MID2: variants seen among roughly 807,000 people sequenced by gnomAD.
The protein encoded by MID2 is midline 2.
Under a neutral mutation model 46.1 loss-of-function variants are expected in MID2, and 13 were observed. The ratio of observed to expected loss-of-function variants is 0.28; its 90% confidence interval spans 0.18 to 0.45. The LOEUF is 0.45. Among genes scored for constraint, MID2 ranks in the 20% least tolerant of loss-of-function variants. The pLI is 1.00. For synonymous variants in MID2, 199 were observed against 212.3 expected (o/e 0.94, Z 0.55); for missense variants, 431 against 575.4 (o/e 0.75, Z 2.57).
intron 3 of MID2, among the ~76,000 whole-genome samples, chrX:107,893,405 T>C (rs940375122): frequency 2.7e-5 from 3 of 112,719 alleles, no homozygotes; most frequent in Admixed American, 9.4e-5. Context: ...ATTTGATTCT[T>C]TAACCTGTCT....
rs1933240647 is a variant in MID2, at chrX:107,929,216, TG to T, written c.*2144del. ...AATACAGCGTAACAGTGCTTTAAAA[TG>T]TATGTCCTTCATTTCTCCTTCATTT... On this transcript the variant is annotated 3_prime_UTR_variant, in exon 10 of 10. Transcript: ENST00000262843. Among the ~76,000 whole-genome samples, 1 of 111,882 alleles carries T rather than the reference TG, an allele frequency of 8.9e-6. No homozygotes were observed.
At chrX:107,854,235 A>G (rs1214861019) in intron 2 of MID2, among the ~76,000 whole-genome samples, 3 of 111,724 alleles carry the variant, frequency 2.7e-5, no homozygotes, top group African/African-American at 6.5e-5. Flanking sequence ...TTCTTAGTCT[A>G]CTCATCTGGA....
chrX:107,867,839 T>A (rs1931990259), intron 3 of MID2, among the ~76,000 whole-genome samples: 1 of 111,534 alleles, frequency 9.0e-6, no homozygotes. Context: ...AAGAATCAGA[T>A]TTAATGGAAC....
intron 5 of MID2, among the ~76,000 whole-genome samples, chrX:107,913,061 T>TAC (rs199836328): frequency 5.2e-4 from 57 of 110,082 alleles, no homozygotes; most frequent in Admixed American, 1.7e-3. Context: ...GACAGTCAGA[T>TAC]ACACACACAC....
intron 3 of MID2, among the ~76,000 whole-genome samples, chrX:107,902,963 C>G (rs1311439455): frequency 9.0e-6 from 1 of 111,238 alleles, no homozygotes; most frequent in Non-Finnish European, 1.9e-5. Flanking sequence ...AGGGGTTTCA[C>G]TTGACAGAAC....
rs200569889 is a variant in MID2, at chrX:107,904,072, C to T, written c.924+7C>T. ...CAAAATCAAAGAGACAAAGGTAAAGCGCAGCACTTCAGTGAATCCAAGGAA... is the reference window on the plus strand; with the variant it reads ...CAAAATCAAAGAGACAAAGGTAAAGTGCAGCACTTCAGTGAATCCAAGGAA... On this transcript the variant is annotated splice_region_variant and intron_variant, in intron 4 of 9. Coordinates refer to ENST00000262843, the MANE Select transcript of MID2 (RefSeq NM_012216.4). 1.8e-4 allele frequency: 198 copies of T among 1,098,627 alleles called. No individual in the cohort carries two copies. In the African/African-American group the frequency reaches 2.5e-3, roughly 14 times the overall value. 90.5% of individuals were successfully genotyped at this position (1,098,627 alleles called of 1,213,427 possible).
chrX:107,904,090 C>T (rs1932816391), intron 4 of MID2, 25 bp downstream of exon 4: 2 of 988,441 alleles, frequency 2.0e-6, no homozygotes, highest in African/African-American at 3.8e-5. Flanking sequence ...TTCAGTGAAT[C>T]CAAGGAAGGG....
intron 7 of MID2, among the ~76,000 whole-genome samples, chrX:107,919,900 T>A (rs987182911): frequency 8.9e-6 from 1 of 112,323 alleles, no homozygotes; most frequent in Admixed American, 9.4e-5. Context: ...CTTGAATTTA[T>A]CCCTAGTACA....
rs1378912996 is a variant in MID2, at chrX:107,904,200, T to A, written c.924+135T>A. ...AGGGGGAGAGGCAAAGAAGTGATGTTTGGCCTACTGCTCTGAATCCAGTAA... is the reference window on the plus strand; with the variant it reads ...AGGGGGAGAGGCAAAGAAGTGATGTATGGCCTACTGCTCTGAATCCAGTAA... On this transcript the variant is annotated intron_variant, in intron 4 of 9. Coordinates refer to ENST00000262843, the MANE Select transcript of MID2 (RefSeq NM_012216.4). The A allele has an allele frequency of 8.0e-6, 4 of 500,047 alleles. No individual in the cohort carries two copies. The African/African-American group carries it at 9.5e-5, about 12-fold the overall frequency. The allele number at this position is 500,047 out of a possible 1,213,427, so 41.2% of individuals were successfully genotyped here.
chrX:107,923,466 G>T (rs1933110714), intron 7 of MID2, among the ~76,000 whole-genome samples: 1 of 111,892 alleles, frequency 8.9e-6, no homozygotes, highest in Non-Finnish European at 1.9e-5. Context: ...CTAGTTCTCT[G>T]ATCCCTTTCC....
At chrX:107,890,726 C>T (rs1932580031) in intron 3 of MID2, among the ~76,000 whole-genome samples, 1 of 111,904 alleles carries the variant, frequency 8.9e-6, no homozygotes, top group Non-Finnish European at 1.9e-5. Context: ...ATGGAGTCTA[C>T]AGAGGCAGGC....
At chrX:107,856,254 T>C (rs1489791656) in intron 3 of MID2, among the ~76,000 whole-genome samples, 1 of 111,892 alleles carries the variant, frequency 8.9e-6, no homozygotes, top group African/African-American at 3.2e-5. Context: ...TTCCACTCTG[T>C]CAAAGTTTCT....
At chrX:107,917,247 A>G (rs1329564201) in intron 6 of MID2, among the ~76,000 whole-genome samples, 1 of 111,960 alleles carries the variant, frequency 8.9e-6, no homozygotes, top group African/African-American at 3.2e-5. Context: ...ATGCAGGCAG[A>G]CTAGACAGCT....
intron 5 of MID2, among the ~76,000 whole-genome samples, chrX:107,910,497 A>G (rs922009244): frequency 1.8e-5 from 2 of 110,563 alleles, no homozygotes; most frequent in African/African-American, 6.6e-5. Context: ...ATTGATTTCA[A>G]CTTCTTTGGA....
intron 3 of MID2, among the ~76,000 whole-genome samples, chrX:107,860,027 G>T (rs997610516): frequency 8.9e-6 from 1 of 112,080 alleles, no homozygotes; most frequent in Non-Finnish European, 1.9e-5. Context: ...CTGTATTTAA[G>T]AAGGATTGCT....
chrX:107,831,042 A>C (rs754118870), intron 1 of MID2, among the ~76,000 whole-genome samples: 16 of 111,127 alleles, frequency 1.4e-4, no homozygotes, highest in Non-Finnish European at 3.0e-4. Flanking sequence ...TAAGACTACT[A>C]GATAGTATAA....
chrX:107,863,130 G>C (rs1000070230), intron 3 of MID2, among the ~76,000 whole-genome samples: 1 of 111,830 alleles, frequency 8.9e-6, no homozygotes, highest in Non-Finnish European at 1.9e-5. Context: ...AGAAAAGAAA[G>C]TGCTTTATAA....
Position 107,889,952 on chromosome X carries a change from A to G in MID2, c.817-14006A>G, listed in dbSNP as rs929753589. The stretch of plus-strand genomic sequence containing the variant: ...GCATTCATCACATAGTTCTCGTGCC[A>G]TGGTTTTCAGCTCCATCAGGTCCTT... On this transcript the variant is annotated intron_variant, in intron 3 of 9. Coordinates refer to ENST00000262843, the MANE Select transcript of MID2 (RefSeq NM_012216.4). Among the ~76,000 whole-genome samples, 8 of 111,745 alleles carry G rather than the reference A, an allele frequency of 7.2e-5. No homozygotes were observed. The Admixed American group carries it at 7.6e-4, about 11-fold the overall frequency.
At chrX:107,903,080 G>A (rs1457471957) in intron 3 of MID2, among the ~76,000 whole-genome samples, 1 of 111,799 alleles carries the variant, frequency 8.9e-6, no homozygotes. Flanking sequence ...GAATAAACAT[G>A]GTTCCTATAT....
Sources: gnomAD v4.1 joint callset for allele counts (sites outside exome capture counted in the v4.1 genomes callset) on GRCh38, gnomAD v4.1.1 for gene constraint, MANE v1.5 for transcripts, NCBI Gene and HGNC (gene_info 2026-07-23, HGNC 2026-07-21) for gene names.